Variants in SLC1A2 observed in about 807,000 individuals in gnomAD.
The protein encoded by SLC1A2 is excitatory amino acid transporter 2.
A neutral mutation model predicts 48.8 loss-of-function variants in SLC1A2; 15 were observed. The observed-to-expected ratio is 0.31, with a 90% CI of 0.21 to 0.47. The LOEUF (loss-of-function observed/expected upper bound fraction) is 0.47, where lower values mean the gene tolerates loss of function less well. SLC1A2 is among the 20% of genes least tolerant of loss of function. The pLI, the probability that SLC1A2 is intolerant of heterozygous loss-of-function variation, is 0.99. For missense variants in SLC1A2, 502 were observed against 730.5 expected (o/e 0.69, Z 3.61); for synonymous variants, 279 against 272.6 (o/e 1.02, Z -0.23).
intron 1 of SLC1A2, among the ~76,000 whole-genome samples, chr11:35,363,202 G>A (rs2135136460): frequency 6.6e-6 from 1 of 152,298 alleles, no homozygotes; most frequent in African/African-American, 2.4e-5. Flanking sequence ...GGGAAGTGGA[G>A]AAGCCAGGAG....
intron 1 of SLC1A2, among the ~76,000 whole-genome samples, chr11:35,373,412 A>G (rs1854123023): frequency 6.6e-6 from 1 of 152,086 alleles, no homozygotes; most frequent in African/African-American, 2.4e-5. Flanking sequence ...CTGCCCCTAG[A>G]CTGTGCCAAA....
chr11:35,418,778 C>G, intron 1 of SLC1A2, 172 bp downstream of exon 1: 1 of 607,152 alleles, frequency 1.6e-6, no homozygotes, highest in South Asian at 1.9e-5. Context: ...GCAGCAATCT[C>G]CAGGAAAGAA....
chr11:35,281,034 T>C (rs775410088), intron 8 of SLC1A2, 33 bp from the exon 9 acceptor site: 6 of 1,542,542 alleles, frequency 3.9e-6, no homozygotes, highest in Non-Finnish European at 5.2e-6. Flanking sequence ...GTCATGGAAA[T>C]GGAAAGAATC....
At chr11:35,404,348 G>C (rs1030080357) in intron 1 of SLC1A2, 13 of 152,286 alleles carry the variant, frequency 8.5e-5, no homozygotes, top group African/African-American at 2.9e-4. Flanking sequence ...AATCTTGTTC[G>C]AACCCCGCTG....
intron 1 of SLC1A2, among the ~76,000 whole-genome samples, chr11:35,342,589 A>T (rs959047328): frequency 6.6e-6 from 1 of 151,466 alleles, no homozygotes; most frequent in Admixed American, 6.6e-5. Flanking sequence ...ACAGCATAAT[A>T]ATTTCTAGTG....
intron 9 of SLC1A2, among the ~76,000 whole-genome samples, chr11:35,278,892 G>T (rs1850531954): frequency 6.6e-6 from 1 of 152,076 alleles, no homozygotes. Context: ...GGTGGCACAT[G>T]CCTGTAGTCC....
chr11:35,409,649 CTA>C (rs1855400191), intron 1 of SLC1A2, among the ~76,000 whole-genome samples: 1 of 152,130 alleles, frequency 6.6e-6, no homozygotes, highest in South Asian at 2.1e-4. Context: ...TGGTTCACGC[CTA>C]TAATCTCAGC....
chr11:35,324,664 G>A (rs937825134), intron 1 of SLC1A2, among the ~76,000 whole-genome samples: 1 of 152,160 alleles, frequency 6.6e-6, no homozygotes, highest in Admixed American at 6.5e-5. Flanking sequence ...AGGGTCCAGA[G>A]TGGGTGGGGG....
chr11:35,290,941 T>A (rs1850981589), intron 7 of SLC1A2, among the ~76,000 whole-genome samples: 1 of 152,168 alleles, frequency 6.6e-6, no homozygotes, highest in Non-Finnish European at 1.5e-5. Context: ...GAAGTTTTAT[T>A]TGGCTTCCCA....
At chr11:35,355,880 A>C (rs1224515913) in intron 1 of SLC1A2, among the ~76,000 whole-genome samples, 1 of 132,880 alleles carries the variant, frequency 7.5e-6, no homozygotes, top group African/African-American at 3.0e-5. Context: ...GCAAGACTCC[A>C]TCTCATCTCA....
intron 1 of SLC1A2, among the ~76,000 whole-genome samples, chr11:35,408,251 C>T (rs10742346): frequency 0.69 from 104,175 of 151,450 alleles, 36,356 homozygotes; most frequent in African/African-American, 0.81. Context: ...CCCACCTAAA[C>T]TATTGCTGCC....
intron 1 of SLC1A2, among the ~76,000 whole-genome samples, chr11:35,391,959 GA>G (rs1474300450): frequency 1.3e-5 from 2 of 152,164 alleles, no homozygotes; most frequent in Non-Finnish European, 2.9e-5. Context: ...ATTTAGGCTA[GA>G]AGTCCAATGC....
intron 1 of SLC1A2, among the ~76,000 whole-genome samples, chr11:35,405,021 A>C (rs554277808): frequency 1.2e-4 from 18 of 151,870 alleles, no homozygotes; most frequent in African/African-American, 4.1e-4. Flanking sequence ...AGGCTCAGGA[A>C]GGGGATTTTA....
rs1851739329 is a variant in SLC1A2 at position 35,312,505 on chromosome 11, G to T, written c.311-57C>A. ...TCTATTACGTTTGTGCTAATGACCT[G>T]TGTCTACATTTCTATGACGTTAGCT... On this transcript the variant is annotated intron_variant, in intron 3 of 10. Transcript: ENST00000278379. The T allele has an allele frequency of 3.2e-6, 5 of 1,576,516 alleles. No homozygotes were observed. The Admixed American group carries it at 6.7e-5, about 21-fold the overall frequency.
chr11:35,348,369 T>C (rs1853117565), intron 1 of SLC1A2, among the ~76,000 whole-genome samples: 1 of 152,218 alleles, frequency 6.6e-6, no homozygotes, highest in Non-Finnish European at 1.5e-5. Context: ...AATTATTTAT[T>C]GATGAGCAAA....
chr11:35,325,661 C>A (rs922041202), intron 1 of SLC1A2, among the ~76,000 whole-genome samples: 1 of 152,102 alleles, frequency 6.6e-6, no homozygotes, highest in South Asian at 2.1e-4. Context: ...GGGGAAGTCA[C>A]GTCCTGTAAA....
chr11:35,332,400 G>T (rs1852459245), intron 1 of SLC1A2, among the ~76,000 whole-genome samples: 1 of 152,208 alleles, frequency 6.6e-6, no homozygotes, highest in Admixed American at 6.5e-5. Context: ...TTATGCTGAG[G>T]ATAGTTTCTC....
rs183217300 is a variant in SLC1A2, at chr11:35,415,504, C to T, written c.17+3446G>A. Reference sequence around the variant, plus strand: ...AAGCCTGAGGCATGCAACCTGCAAACCCCTCTAGACCATAAGCCCCACATC... The same window carrying T: ...AAGCCTGAGGCATGCAACCTGCAAATCCCTCTAGACCATAAGCCCCACATC... On this transcript the variant is annotated intron_variant, in intron 1 of 10. Transcript: ENST00000278379. 3.9e-4 allele frequency among the ~76,000 whole-genome samples: 60 copies of T among 152,326 alleles called. No individual in the cohort carries two copies. In the East Asian group the frequency reaches 0.01, roughly 26 times the overall value.
intron 1 of SLC1A2, among the ~76,000 whole-genome samples, chr11:35,362,883 A>G (rs1853727676): frequency 6.6e-6 from 1 of 152,208 alleles, no homozygotes; most frequent in Non-Finnish European, 1.5e-5. Flanking sequence ...ACTTTAGGAC[A>G]ATGATACTAG....
Sources: allele counts gnomAD v4.1 joint callset (sites outside exome capture counted in the v4.1 genomes callset), GRCh38; gene constraint gnomAD v4.1.1; transcripts MANE v1.5; gene names NCBI Gene and HGNC (gene_info 2026-07-23, HGNC 2026-07-21).